MAGT1: variants seen among roughly 807,000 people sequenced by gnomAD.
MAGT1 encodes magnesium transporter 1.
MAGT1 carries 4 observed loss-of-function variants against 28.4 expected under a neutral mutation model. The ratio of observed to expected loss-of-function variants is 0.14; its 90% CI spans 0.07 to 0.32. MAGT1 has a LOEUF of 0.32. MAGT1 is among the 10% of genes least tolerant of loss of function. The pLI, the probability that MAGT1 is intolerant of heterozygous loss-of-function variation, is 1.00. For synonymous variants in MAGT1, 89 were observed against 89.7 expected (o/e 0.99, Z 0.04); for missense variants, 193 against 264.5 (o/e 0.73, Z 1.88).
In MAGT1 at chrX:77,853,978, A is replaced by C. The variant is rs782170645; in HGVS notation, c.763-14T>G. 6.8e-5 allele frequency: 80 copies of C among 1,169,391 alleles called. No homozygotes were observed. The highest frequency in any genetic ancestry group is 1.1e-4 in the Admixed American group (5 of 45,583). ...ATGGATATAATTCTAGGAGGGAAAA[A>C]AGACAAAATGGAATCTTTAAGTATA... On this transcript the variant is annotated splice_polypyrimidine_tract_variant and intron_variant, in intron 6 of 9. Coordinates refer to ENST00000618282, the MANE Select transcript of MAGT1 (RefSeq NM_001367916.1).
chrX:77,876,162 ATATTTTTTTT>A (rs1382599500), intron 1 of MAGT1, among the ~76,000 whole-genome samples: 3 of 37,948 alleles, frequency 7.9e-5, no homozygotes, highest in African/African-American at 3.3e-4. Flanking sequence ...ATATATATAT[ATATTTTTTTT>A]TTTTTTTTTT....
chrX:77,893,615 A>G (rs1209891343), intron 1 of MAGT1, among the ~76,000 whole-genome samples: 1 of 112,168 alleles, frequency 8.9e-6, no homozygotes, highest in East Asian at 2.8e-4. Context: ...GAATAAGTGG[A>G]CTAGGCACAG....
intron 1 of MAGT1, among the ~76,000 whole-genome samples, chrX:77,876,142 ATATATATATATATATATATATATTTTTT>A (rs2077033051): frequency 4.0e-5 from 1 of 24,947 alleles, no homozygotes; most frequent in Non-Finnish European, 7.1e-5. Context: ...TTATATATAT[ATATATATATATATATATATATATTTTTT>A]TTTTTTTTTT....
At chrX:77,844,592 A>C (rs1407292944) in intron 7 of MAGT1, among the ~76,000 whole-genome samples, 9 of 111,272 alleles carry the variant, frequency 8.1e-5, no homozygotes, top group East Asian at 5.6e-4. Context: ...TTAGTGCTAT[A>C]AATTTCCCTC....
chrX:77,879,996 C>A (rs2077046975), intron 1 of MAGT1, among the ~76,000 whole-genome samples: 1 of 105,040 alleles, frequency 9.5e-6, no homozygotes, highest in Non-Finnish European at 1.9e-5. Flanking sequence ...GCACTACCAC[C>A]CCCGGCTAAT....
At chrX:77,883,111 TTATATTATAATA>T (rs1170304036) in intron 1 of MAGT1, among the ~76,000 whole-genome samples, 1 of 102,334 alleles carries the variant, frequency 9.8e-6, no homozygotes, top group Non-Finnish European at 2.0e-5. Context: ...AATAACATAA[TTATATTATAATA>T]TATATTATTA....
chrX:77,882,077 G>T (rs2077054320), intron 1 of MAGT1, among the ~76,000 whole-genome samples: 2 of 112,022 alleles, frequency 1.8e-5, no homozygotes, highest in African/African-American at 6.5e-5. Flanking sequence ...TGCAGAAAAG[G>T]CCTTTGACAA....
Position 77,834,289 on chromosome X carries a change from CAT to C in MAGT1, c.902-3396_902-3395del, listed in dbSNP as rs200078269. Among the ~76,000 whole-genome samples the C allele has an allele frequency of 4.5e-3, 416 of 93,279 alleles. 4 individuals are homozygous for C. Among genetic ancestry groups the C allele is most frequent in the East Asian group, 0.012 (33 of 2,852 alleles). The allele number at this position is 93,279 out of a possible 115,157, so 81.0% of individuals were successfully genotyped here. ...ATATATGCATATATGTATATATATGCATATATATATATACATGTGTGTATATA... is the reference window on the plus strand; with the variant it reads ...ATATATGCATATATGTATATATATGCATATATATATACATGTGTGTATATA... On this transcript the variant is annotated intron_variant, in intron 8 of 9. Coordinates refer to ENST00000618282, the MANE Select transcript of MAGT1 (RefSeq NM_001367916.1).
chrX:77,858,667 T>C (rs1557216222), intron 3 of MAGT1, among the ~76,000 whole-genome samples: 1 of 111,837 alleles, frequency 8.9e-6, no homozygotes, highest in Non-Finnish European at 1.9e-5. Flanking sequence ...GGTAAATTAA[T>C]GAATTAATAG....
At chrX:77,862,405 G>C (rs1557216531) in intron 3 of MAGT1, among the ~76,000 whole-genome samples, 1 of 111,590 alleles carries the variant, frequency 9.0e-6, no homozygotes, top group African/African-American at 3.2e-5. Flanking sequence ...AAACAACAAA[G>C]TGAAGAGACA....
rs913475921 is a variant in MAGT1 at position 77,831,475 on chromosome X, A to C, written c.902-580T>G. Among the ~76,000 whole-genome samples the C allele has an allele frequency of 3.6e-5, 4 of 111,906 alleles. No homozygotes were observed. The Admixed American group carries it at 3.8e-4, about 11-fold the overall frequency. ...TGTAATAGAGTAACTCCTTTACATA[A>C]TTATGCAATTCAAATGTATGAAATA... On this transcript the variant is annotated intron_variant, in intron 8 of 9. Coordinates refer to ENST00000618282, the MANE Select transcript of MAGT1 (RefSeq NM_001367916.1).
chrX:77,850,490 G>A (rs1218179261), intron 7 of MAGT1, among the ~76,000 whole-genome samples: 1 of 67,123 alleles, frequency 1.5e-5, no homozygotes, highest in East Asian at 6.8e-4. Flanking sequence ...AAAAAGGGGG[G>A]GGGGGTGGGG....
intron 8 of MAGT1, among the ~76,000 whole-genome samples, chrX:77,839,163 G>A (rs1557214166): frequency 9.4e-6 from 1 of 106,029 alleles, no homozygotes; most frequent in Non-Finnish European, 1.9e-5. Context: ...AATTAGCCAG[G>A]CATGGTGGCG....
At chrX:77,873,902 T>C (rs2149024543) in intron 2 of MAGT1, among the ~76,000 whole-genome samples, 1 of 111,121 alleles carries the variant, frequency 9.0e-6, no homozygotes, top group African/African-American at 3.3e-5. Flanking sequence ...CCACATCCTC[T>C]CCTAAGACTC....
At chrX:77,862,383 GC>G (rs1416140539) in intron 3 of MAGT1, among the ~76,000 whole-genome samples, 1 of 111,631 alleles carries the variant, frequency 9.0e-6, no homozygotes, top group African/African-American at 3.3e-5. Flanking sequence ...AAAAGCTTCT[GC>G]AAAGCAAAGG....
intron 1 of MAGT1, among the ~76,000 whole-genome samples, chrX:77,886,430 C>T (rs781896273): frequency 4.6e-5 from 5 of 109,638 alleles, no homozygotes; most frequent in Admixed American, 2.0e-4. Flanking sequence ...AGTTCAAGAC[C>T]GGCCTGGGCA....
At chrX:77,892,800 A>G (rs1466898367) in intron 1 of MAGT1, among the ~76,000 whole-genome samples, 1 of 111,252 alleles carries the variant, frequency 9.0e-6, no homozygotes, top group Non-Finnish European at 1.9e-5. Context: ...CTGTCTGAAA[A>G]AAAATTTTTT....
intron 1 of MAGT1, among the ~76,000 whole-genome samples, chrX:77,880,088 C>T (rs1439559822): frequency 9.5e-6 from 1 of 105,510 alleles, no homozygotes; most frequent in East Asian, 3.1e-4. Flanking sequence ...ATCCACCCGC[C>T]TCAGCCTCCC....
At position 77,870,945 on chromosome X, in the gene MAGT1, T is replaced by C; in HGVS notation, c.273-20A>G. 9.1e-7 allele frequency: 1 copy of C among 1,100,360 alleles called. No individual in the cohort carries two copies. Among genetic ancestry groups the C allele is most frequent in the Non-Finnish European group, 1.3e-6 (1 of 794,179 alleles). 90.7% of individuals were successfully genotyped at this position (1,100,360 alleles called of 1,213,427 possible). A position where few individuals can be genotyped will look rare whatever the true frequency, so the allele number is the denominator to read the frequency against. On this transcript the variant is annotated intron_variant, in intron 2 of 9. Coordinates refer to ENST00000618282, the MANE Select transcript of MAGT1 (RefSeq NM_001367916.1). ...GCTTGCCTGGATGCAATGAGATTCG[T>C]AAAGATAACATATAAAACAATTTTT... is the stretch of plus-strand genomic sequence containing the variant.
Sources: gnomAD v4.1 joint callset for allele counts (sites outside exome capture counted in the v4.1 genomes callset) on GRCh38, gnomAD v4.1.1 for gene constraint, MANE v1.5 for transcripts, NCBI Gene and HGNC (gene_info 2026-07-23, HGNC 2026-07-21) for gene names.